CHMP4B: variants seen among roughly 807,000 people sequenced by gnomAD.
CHMP4B encodes SNF7 homolog associated with Alix 1.
Under a neutral mutation model 25.1 loss-of-function variants are expected in CHMP4B, and 1 was observed. That is an observed-to-expected ratio of 0.04 (90% CI 0.01 to 0.19). The LOEUF (loss-of-function observed/expected upper bound fraction) is 0.19. Ranked by LOEUF, CHMP4B falls within the 10% of genes least tolerant of loss-of-function variation. The pLI is 1.00. For synonymous variants in CHMP4B, 101 were observed against 115.6 expected, an observed-to-expected ratio of 0.87 and a Z score of 0.81; for missense variants, 151 against 289.7, an observed-to-expected ratio of 0.52 and a Z score of 3.48.
intron 1 of CHMP4B, among the ~76,000 whole-genome samples, chr20:33,843,557 A>G (rs1177377881): frequency 6.6e-6 from 1 of 152,242 alleles, no homozygotes; most frequent in Non-Finnish European, 1.5e-5. Flanking sequence ...GAATCTGGAA[A>G]AGTTAAGGCA....
chr20:33,844,970 A>G (rs962102512), intron 1 of CHMP4B, among the ~76,000 whole-genome samples: 15 of 152,144 alleles, frequency 9.9e-5, no homozygotes, highest in Non-Finnish European at 1.9e-4. Context: ...CGTGTTAGCC[A>G]GGATGGTCTT....
At position 33,853,851 on chromosome 20, in the gene CHMP4B, C is replaced by T. The variant is rs972404204; in HGVS notation, c.*291C>T. 15 of 494,752 alleles carry T rather than the reference C, an allele frequency of 3.0e-5. No homozygotes were observed. Among genetic ancestry groups the T allele is most frequent in the Middle Eastern group, 5.8e-4 (1 of 1,726 alleles). The allele number at this position is 494,752 out of a possible 1,614,324, so 30.6% of individuals were successfully genotyped here. On this transcript the variant is annotated 3_prime_UTR_variant, in exon 5 of 5. Transcript: ENST00000217402. Reference sequence around the variant, plus strand: ...AATCCAACATTGAGCTTCTGGACTACGCTGACTCCACTGCTGAATCCTCAA... The same window carrying T: ...AATCCAACATTGAGCTTCTGGACTATGCTGACTCCACTGCTGAATCCTCAA...
intron 1 of CHMP4B, among the ~76,000 whole-genome samples, chr20:33,830,898 T>G (rs1012112231): frequency 6.6e-6 from 1 of 151,448 alleles, no homozygotes; most frequent in Non-Finnish European, 1.5e-5. Context: ...CAGATTATAA[T>G]CTAGCACTGT....
chr20:33,827,934 C>T (rs1979138107), intron 1 of CHMP4B, among the ~76,000 whole-genome samples: 1 of 152,132 alleles, frequency 6.6e-6, no homozygotes, highest in Non-Finnish European at 1.5e-5. Flanking sequence ...TTTAGGATGG[C>T]GATCGAAGAG....
At chr20:33,852,756 G>A (rs1383806688) in intron 4 of CHMP4B, among the ~76,000 whole-genome samples, 23 of 152,220 alleles carry the variant, frequency 1.5e-4, no homozygotes, top group Admixed American at 1.5e-3. Flanking sequence ...CTAGTATCCT[G>A]TGCTGCGCAC....
chr20:33,827,814 C>T (rs1165548046), intron 1 of CHMP4B, among the ~76,000 whole-genome samples: 2 of 152,178 alleles, frequency 1.3e-5, no homozygotes, highest in Admixed American at 1.3e-4. Flanking sequence ...CACTGACCCG[C>T]CTTTGGGGCC....
intron 1 of CHMP4B, among the ~76,000 whole-genome samples, chr20:33,825,603 G>C (rs1005150053): frequency 6.6e-6 from 1 of 152,220 alleles, no homozygotes; most frequent in Non-Finnish European, 1.5e-5. Flanking sequence ...TACCCAGAGT[G>C]CTCAGTGCTG....
intron 1 of CHMP4B, among the ~76,000 whole-genome samples, chr20:33,840,238 T>G (rs1979498001): frequency 7.5e-6 from 1 of 133,488 alleles, no homozygotes; most frequent in Admixed American, 8.0e-5. Flanking sequence ...AGTGTAAGAC[T>G]CCATCTCAAA....
intron 1 of CHMP4B, among the ~76,000 whole-genome samples, chr20:33,816,994 C>T (rs1355900670): frequency 6.6e-6 from 1 of 152,184 alleles, no homozygotes; most frequent in Non-Finnish European, 1.5e-5. Flanking sequence ...TAAAGTCTCT[C>T]TCAAACATGA....
At chr20:33,831,668 C>G (rs1418517615) in intron 1 of CHMP4B, among the ~76,000 whole-genome samples, 1 of 152,264 alleles carries the variant, frequency 6.6e-6, no homozygotes, top group Non-Finnish European at 1.5e-5. Flanking sequence ...GCCACTGCAC[C>G]TGGCCTCAGA....
At chr20:33,847,706 T>C (rs1979725059) in intron 1 of CHMP4B, among the ~76,000 whole-genome samples, 1 of 152,200 alleles carries the variant, frequency 6.6e-6, no homozygotes, top group Admixed American at 6.5e-5. Context: ...GAGTTCTGTC[T>C]GGCTTTTTAG....
At chr20:33,848,107 C>T (rs1285512780) in intron 1 of CHMP4B, among the ~76,000 whole-genome samples, 1 of 152,104 alleles carries the variant, frequency 6.6e-6, no homozygotes, top group Non-Finnish European at 1.5e-5. Context: ...ACACTGACCC[C>T]ATCTGGGAAG....
Position 33,851,076 on chromosome 20 carries a change from T to G in CHMP4B, c.483+10T>G, listed in dbSNP as rs778222288. Reference sequence around the variant, plus strand: ...AGAAGAGTTTGACGAGGTGAGTAGTTTTGTACAGATCCCATAAGCTTCACA... The same window carrying G: ...AGAAGAGTTTGACGAGGTGAGTAGTGTTGTACAGATCCCATAAGCTTCACA... On this transcript the variant is annotated intron_variant, in intron 3 of 4. Coordinates refer to ENST00000217402, the MANE Select transcript of CHMP4B (RefSeq NM_176812.5). 3.3e-6 allele frequency: 5 copies of G among 1,501,682 alleles called. No homozygotes were observed. Among genetic ancestry groups the G allele is most frequent in the Non-Finnish European group, 4.6e-6 (5 of 1,077,592 alleles). The allele number at this position is 1,501,682 out of a possible 1,614,324, so 93.0% of individuals were successfully genotyped here.
At chr20:33,819,431 C>A (rs1437940333) in intron 1 of CHMP4B, among the ~76,000 whole-genome samples, 1 of 152,152 alleles carries the variant, frequency 6.6e-6, no homozygotes, top group African/African-American at 2.4e-5. Context: ...GGATGAGCAT[C>A]TAGGAACCCC....
chr20:33,848,317 A>G (rs1183125976), intron 1 of CHMP4B, 150 bp from the exon 2 acceptor site: 7 of 792,268 alleles, frequency 8.8e-6, no homozygotes, highest in African/African-American at 6.9e-5. Flanking sequence ...AGAAAATTGA[A>G]TGTGCTCTTT....
At chr20:33,812,495 G>T (rs2122777304) in intron 1 of CHMP4B, among the ~76,000 whole-genome samples, 1 of 152,362 alleles carries the variant, frequency 6.6e-6, no homozygotes, top group South Asian at 2.1e-4. Context: ...TTGAGGCACT[G>T]CTTACTTTAC....
In CHMP4B at chr20:33,853,680, C is replaced by T; in HGVS notation, c.*120C>T. The stretch of plus-strand genomic sequence containing the variant: ...CAGGTTCCATCGCTTTCGACTCTCA[C>T]TCCAAAGCAGTAGGGCCGCGTTGCT... On this transcript the variant is annotated 3_prime_UTR_variant, in exon 5 of 5. Coordinates refer to ENST00000217402, the MANE Select transcript of CHMP4B (RefSeq NM_176812.5). 2.4e-6 allele frequency: 2 copies of T among 850,614 alleles called. No homozygotes were observed. The highest frequency in any genetic ancestry group is 5.3e-5 in the East Asian group (2 of 37,706). 52.7% of individuals were successfully genotyped at this position (850,614 alleles called of 1,614,324 possible).
intron 1 of CHMP4B, among the ~76,000 whole-genome samples, chr20:33,835,182 A>G (rs1276172385): frequency 6.6e-6 from 1 of 152,234 alleles, no homozygotes; most frequent in Non-Finnish European, 1.5e-5. Flanking sequence ...TCTTGCTAGC[A>G]TCGTTTTCTA....
chr20:33,826,174 A>G (rs954466109), intron 1 of CHMP4B, among the ~76,000 whole-genome samples: 2 of 152,190 alleles, frequency 1.3e-5, no homozygotes, highest in Non-Finnish European at 2.9e-5. Context: ...AGGAGAAGGA[A>G]GGAGGAAGAA....
Sources: gnomAD v4.1 joint callset for allele counts (sites outside exome capture counted in the v4.1 genomes callset) on GRCh38, gnomAD v4.1.1 for gene constraint, MANE v1.5 for transcripts, NCBI Gene and HGNC (gene_info 2026-07-23, HGNC 2026-07-21) for gene names.